The following EPPK1 variants were observed in gnomAD, a reference collection of about 807,000 sequenced individuals.
EPPK1 encodes the protein epiplakin.
For missense variants in EPPK1, 3,823 were observed against 3,673.3 expected (o/e 1.04, Z -1.05); for synonymous variants, 1,862 against 1,721.2 (o/e 1.08, Z -2.03).
rs782200151 is a variant in EPPK1, at chr8:143,867,316, C to A, written c.5938G>T (p.Asp1980Tyr). 6.2e-6 allele frequency: 10 copies of A among 1,612,498 alleles called. No homozygotes were observed. The highest frequency in any genetic ancestry group is 2.7e-5 in the African/African-American group (2 of 74,916). ...GGGATCGTGTCTCCTGTGGCCGGAT[C>A]CCTGTAGCCCGTGGCAGCTCTTTCA... ...KAERAATGYR[D>Y]PATGDTIPLF... Residue 1980 changes from aspartate to tyrosine, a missense_variant, in exon 2 of 2, where the codon GAT becomes TAT. Asp to Tyr is a radical substitution (Grantham distance 160, BLOSUM62 -3). Transcript: ENST00000615648.
chr8:143,868,402 C>A lies in EPPK1; in HGVS notation c.4852G>T (p.Val1618Leu). ...TCCACGGTCAGCTTCCGGTTCTCCA[C>A]GGGGTCGATGATGAAGCCGGTAGCT... ...QAATGFIIDP[V>L]ENRKLTVEEA... Residue 1618 changes from valine to leucine, a missense_variant, in exon 2 of 2, where the codon GTG becomes TTG. Coordinates refer to ENST00000615648, the MANE Select transcript of EPPK1 (RefSeq NM_031308.4). 1 of 1,612,614 alleles carries A rather than the reference C, an allele frequency of 6.2e-7. No homozygotes were observed. The highest frequency in any genetic ancestry group is 8.5e-7 in the Non-Finnish European group (1 of 1,179,808).
At position 143,870,626 on chromosome 8, in the gene EPPK1, C is replaced by T. The variant is rs552072083; in HGVS notation, c.2628G>A (p.Ala876=). The T allele has an allele frequency of 1.1e-5, 17 of 1,606,376 alleles. No individual in the cohort carries two copies. Among genetic ancestry groups the T allele is most frequent in the South Asian group, 4.4e-5 (4 of 90,046 alleles). The part of the protein sequence containing the change: ...KLLEAETQRQ[A]DIMLPALRSR... ...TCCGCAGTGCGGGCAGCATGATGTC[C>T]GCCTGTCTCTGCGTCTCCGCCTCCA... The change falls in exon 2 of 2, where the codon GCG becomes GCA. Residue 876 remains alanine, a synonymous_variant. Coordinates refer to ENST00000615648, the MANE Select transcript of EPPK1 (RefSeq NM_031308.4). The surrounding 1 kb of genome is among the most constrained non-coding windows in gnomAD (Gnocchi z 5.2).
chr8:143,870,586 G>A lies in EPPK1; in HGVS notation c.2668C>T (p.His890Tyr). ...LPALRSRVTV[H>Y]QLLEAGIIDQ... Reference sequence around the variant, plus strand: ...ATGATACCGGCCTCCAGGAGCTGGTGGACGGTGACCCGGCTCCGCAGTGCG... The same window carrying A: ...ATGATACCGGCCTCCAGGAGCTGGTAGACGGTGACCCGGCTCCGCAGTGCG... Residue 890 changes from histidine to tyrosine, a missense_variant, in exon 2 of 2, where the codon CAC becomes TAC. Coordinates refer to ENST00000615648, the MANE Select transcript of EPPK1 (RefSeq NM_031308.4). The surrounding 1 kb of genome is among the most constrained non-coding windows in gnomAD (Gnocchi z 5.2). 1.9e-6 allele frequency: 3 copies of A among 1,610,056 alleles called. No homozygotes were observed. The highest frequency in any genetic ancestry group is 2.5e-6 in the Non-Finnish European group (3 of 1,178,956).
Position 143,867,600 on chromosome 8 carries a change from G to A in EPPK1, c.5654C>T (p.Thr1885Met), listed in dbSNP as rs371299411. The change falls in exon 2 of 2, where the codon ACG becomes ATG. Residue 1885 changes from threonine to methionine, a missense_variant. Physicochemically the swap from Thr to Met is moderately conservative, Grantham distance 81. Coordinates refer to ENST00000615648, the MANE Select transcript of EPPK1 (RefSeq NM_031308.4). Reference protein sequence around the residue: ...VGRTGGQALSTLECVKPYLEG... With the variant: ...VGRTGGQALSMLECVKPYLEG... ...CAGATAGGGCTTCACACACTCCAGC[G>A]TGCTGAGTGCCTGTCCCCCAGTCCT... 183 of 1,613,128 alleles carry A rather than the reference G, an allele frequency of 1.1e-4. No individual in the cohort carries two copies. The highest frequency in any genetic ancestry group is 1.8e-4 in the East Asian group (8 of 44,886).
Position 143,866,360 on chromosome 8 carries a change from C to G in EPPK1, c.6894G>C (p.Glu2298Asp). ...CGGCGCGCTCGGCCGACAGCAGCTT[C>G]TCCTGGATCTCGCCGCCCACCACGC... ...AAGVVGGEIQ[E>D]KLLSAERAVT... Residue 2298 changes from glutamate (E) to aspartate (D), a missense_variant, in exon 2 of 2, where the codon GAG becomes GAC. Glu to Asp is a conservative substitution (Grantham distance 45). Transcript: ENST00000615648. The G allele has an allele frequency of 9.4e-6, 7 of 744,004 alleles. No homozygotes were observed. The highest frequency in any genetic ancestry group is 1.4e-5 in the Non-Finnish European group (7 of 490,554). The allele number at this position is 744,004 out of a possible 1,614,324, so 46.1% of individuals were successfully genotyped here. A position where few individuals can be genotyped will look rare whatever the true frequency, so the allele number is the denominator to read the frequency against.
At position 143,870,895 on chromosome 8, in the gene EPPK1, G is replaced by A. The variant is rs782802033; in HGVS notation, c.2359C>T (p.Arg787Cys). The A allele has an allele frequency of 1.7e-5, 27 of 1,612,912 alleles. No individual in the cohort carries two copies. In the East Asian group the frequency reaches 2.4e-4, roughly 15 times the overall value. Residue 787 changes from arginine to cysteine, a missense_variant, in exon 2 of 2, where the codon CGT becomes TGT. Arg to Cys is a radical substitution (Grantham distance 180). Coordinates refer to ENST00000615648, the MANE Select transcript of EPPK1 (RefSeq NM_031308.4). This position sits in a 1 kb window ranked among gnomAD's most constrained non-coding sequence, Gnocchi z 5.2. ...TYLQLLERCV[R>C]DPETGLYLLP... ...AGGTACAGGCCCGTCTCGGGGTCAC[G>A]CACACAGCGCTCCAGAAGCTGCAGG...
chr8:143,873,408 A>G, intron 1 of EPPK1, 110 bp from the exon 2 acceptor site: 1 of 758,158 alleles, frequency 1.3e-6, no homozygotes. Flanking sequence ...CTCCACCCAC[A>G]GACGTGCAGC....
In EPPK1 at chr8:143,868,560, C is replaced by T. The variant is rs368863995; in HGVS notation, c.4694G>A (p.Arg1565Gln). 1.2e-4 allele frequency: 197 copies of T among 1,603,764 alleles called. No homozygotes were observed. Among genetic ancestry groups the T allele is most frequent in the South Asian group, 1.9e-4 (17 of 89,626 alleles). The change falls in exon 2 of 2, where the codon CGG (arginine) becomes CAG (glutamine). Residue 1565 changes from arginine to glutamine, a missense_variant. Physicochemically the swap from Arg to Gln is conservative, Grantham distance 43. Coordinates refer to ENST00000615648, the MANE Select transcript of EPPK1 (RefSeq NM_031308.4). ...KEVAEMDSVK[R>Q]SLEGGNFIAG... The stretch of plus-strand genomic sequence containing the variant: ...AATGAAGTTGCCTCCCTCCAGGGAC[C>T]GCTTCACGCTGTCCATCTCCGCCAC...
chr8:143,868,812 T>A lies in EPPK1; in HGVS notation c.4442A>T (p.Asp1481Val). The change falls in exon 2 of 2, where the codon GAC becomes GTC. Residue 1481 changes from aspartate to valine, a missense_variant. Transcript: ENST00000615648. ...GAGTGCCACCAGCTCCCGCCGCTTG[T>A]CAGCGCCAACGTATTCGGAGAGCAG... is the stretch of plus-strand genomic sequence containing the variant. ...DLLLSEYVGA[D>V]KRRELVALCR... 6.2e-7 allele frequency: 1 copy of A among 1,604,790 alleles called. No homozygotes were observed.
In EPPK1 at chr8:143,870,430, G is replaced by A. The variant is rs1554660774; in HGVS notation, c.2824C>T (p.Gln942Ter). ...ATGGCCTGGTAGAGGCTGAGCCGCTGGCCAGAGGGCAGCAGCCGCACACCG... is the reference window on the plus strand; with the variant it reads ...ATGGCCTGGTAGAGGCTGAGCCGCTAGCCAGAGGGCAGCAGCCGCACACCG... Reference protein sequence around the residue: ...VGGVRLLPSGQRLSLYQAMRQ... With the variant: ...VGGVRLLPSG Residue 942 changes from glutamine (Q) to a stop codon, truncating the protein, a stop_gained, in exon 2 of 2, where the codon CAG (glutamine) becomes TAG (stop). Coordinates refer to ENST00000615648, the MANE Select transcript of EPPK1 (RefSeq NM_031308.4). LOFTEE classifies it low-confidence loss of function (END_TRUNC). This position sits in a 1 kb window ranked among gnomAD's most constrained non-coding sequence, Gnocchi z 5.2. 2.5e-6 allele frequency: 4 copies of A among 1,596,324 alleles called. No individual in the cohort carries two copies. The highest frequency in any genetic ancestry group is 3.4e-6 in the Non-Finnish European group (4 of 1,176,192).
Position 143,871,399 on chromosome 8 carries a change from C to T in EPPK1, c.1855G>A (p.Gly619Ser), listed in dbSNP as rs1554661138. The T allele has an allele frequency of 6.2e-7, 1 of 1,604,752 alleles. No individual in the cohort carries two copies. Among genetic ancestry groups the T allele is most frequent in the Non-Finnish European group, 8.5e-7 (1 of 1,176,838 alleles). Residue 619 changes from glycine to serine, a missense_variant, in exon 2 of 2, where the codon GGC becomes AGC. Coordinates refer to ENST00000615648, the MANE Select transcript of EPPK1 (RefSeq NM_031308.4). Reference protein sequence around the residue: ...TGCIAGLLLPGSQERLSIYEA... With the variant: ...TGCIAGLLLPSSQERLSIYEA... Reference sequence around the variant, plus strand: ...TAGATGCTCAGGCGTTCCTGGGAGCCAGGGAGCAGCAGGCCAGCAATGCAG... The same window carrying T: ...TAGATGCTCAGGCGTTCCTGGGAGCTAGGGAGCAGCAGGCCAGCAATGCAG...
Position 143,866,957 on chromosome 8 carries a change from C to T in EPPK1, c.6297G>A (p.Thr2099=), listed in dbSNP as rs781856397. The T allele has an allele frequency of 3.0e-5, 49 of 1,612,740 alleles. No individual in the cohort carries two copies. The highest frequency in any genetic ancestry group is 1.6e-4 in the Middle Eastern group (1 of 6,082). Residue 2099 remains threonine (T), a synonymous_variant, in exon 2 of 2, where the codon ACG becomes ACA. Transcript: ENST00000615648. ...CTTGCTCTGCCTCCAGGGCCCTTCTCGTCTCGTCATCGATGTGCTCGGAGT... is the reference window on the plus strand; with the variant it reads ...CTTGCTCTGCCTCCAGGGCCCTTCTTGTCTCGTCATCGATGTGCTCGGAGT... ...ARDSEHIDDE[T]RRALEAEQVE... is the part of the protein sequence containing the mutation.
Position 143,865,397 on chromosome 8 carries a change from G to GCCCTCC in EPPK1, c.7851_7856dup (p.Gly2619_Glu2620dup). On this transcript the variant is annotated inframe_insertion, in exon 2 of 2. Coordinates refer to ENST00000615648, the MANE Select transcript of EPPK1 (RefSeq NM_031308.4). Reference sequence around the variant, plus strand: ...CGGCGGCGGCGGCCTCCTGGGTCTCGCCCTCCCCCTGGCCCTCTCGCTGGG... The same window carrying GCCCTCC: ...CGGCGGCGGCGGCCTCCTGGGTCTCGCCCTCCCCCTCCCCCTGGCCCTCTCGCTGGG... The GCCCTCC allele has an allele frequency of 3.1e-6, 1 of 325,024 alleles. No individual in the cohort carries two copies. Among genetic ancestry groups the GCCCTCC allele is most frequent in the Non-Finnish European group, 4.8e-6 (1 of 207,396 alleles). 20.1% of individuals were successfully genotyped at this position (325,024 alleles called of 1,614,324 possible).
At position 143,870,699 on chromosome 8, in the gene EPPK1, CGCA is replaced by C; in HGVS notation, c.2552_2554del (p.Leu851del). The C allele has an allele frequency of 6.2e-7, 1 of 1,610,372 alleles. No individual in the cohort carries two copies. Among genetic ancestry groups the C allele is most frequent in the Middle Eastern group, 1.7e-4 (1 of 6,058 alleles). ...CGTGACCTCGCGCTGCCGGTAGCGA[CGCA>C]GCAGCTGCCTCCTGCGGCCCTCGCT... On this transcript the variant is annotated inframe_deletion, in exon 2 of 2. Coordinates refer to ENST00000615648, the MANE Select transcript of EPPK1 (RefSeq NM_031308.4). The surrounding 1 kb of genome is among the most constrained non-coding windows in gnomAD (Gnocchi z 5.2).
At position 143,867,080 on chromosome 8, in the gene EPPK1, G is replaced by T. The variant is rs536513369; in HGVS notation, c.6174C>A (p.Asn2058Lys). The T allele has an allele frequency of 2.6e-5, 42 of 1,612,950 alleles. No individual in the cohort carries two copies. The South Asian group carries it at 4.1e-4, about 16-fold the overall frequency. Residue 2058 changes from asparagine to lysine, a missense_variant, in exon 2 of 2, where the codon AAC becomes AAA. Transcript: ENST00000615648. Reference sequence around the variant, plus strand: ...CTCGGTACGAGACCTTCTCTTGCGTGTTCGGGTCCACAAACCGTTTCCTCA... The same window carrying T: ...CTCGGTACGAGACCTTCTCTTGCGTTTTCGGGTCCACAAACCGTTTCCTCA... Reference protein sequence around the residue: ...KHMRKRFVDPNTQEKVSYREL... With the variant: ...KHMRKRFVDPKTQEKVSYREL...
upstream of EPPK1, among the ~76,000 whole-genome samples, chr8:143,879,136 C>G (rs1554662822): frequency 6.6e-6 from 1 of 152,198 alleles, no homozygotes; most frequent in Non-Finnish European, 1.5e-5. Flanking sequence ...GGCTCACAGC[C>G]TCGGGGGCTG....
In EPPK1 at chr8:143,867,064, A is replaced by G. The variant is rs1819146695; in HGVS notation, c.6190T>C (p.Ser2064Pro). Residue 2064 changes from serine to proline, a missense_variant, in exon 2 of 2, where the codon TCG (serine) becomes CCG (proline). Coordinates refer to ENST00000615648, the MANE Select transcript of EPPK1 (RefSeq NM_031308.4). The part of the protein sequence containing the change: ...FVDPNTQEKV[S>P]YRELQERCRP... ...CACCTCTCCTGCAGCTCTCGGTACG[A>G]GACCTTCTCTTGCGTGTTCGGGTCC... The G allele has an allele frequency of 1.2e-6, 2 of 1,612,608 alleles. No individual in the cohort carries two copies. Among genetic ancestry groups the G allele is most frequent in the Non-Finnish European group, 1.7e-6 (2 of 1,179,836 alleles).
Position 143,869,302 on chromosome 8 carries a change from C to A in EPPK1, c.3952G>T (p.Gly1318Trp). The A allele has an allele frequency of 6.2e-7, 1 of 1,604,760 alleles. No individual in the cohort carries two copies. Among genetic ancestry groups the A allele is most frequent in the Non-Finnish European group, 8.5e-7 (1 of 1,175,378 alleles). The change falls in exon 2 of 2, where the codon GGG (glycine) becomes TGG (tryptophan). Residue 1318 changes from glycine (G) to tryptophan (W), a missense_variant. By Grantham distance (184) the Gly-to-Trp change is radical. Coordinates refer to ENST00000615648, the MANE Select transcript of EPPK1 (RefSeq NM_031308.4). The stretch of plus-strand genomic sequence containing the variant: ...CCGGCCGCCGCCCTCTCGGCCTGCC[C>A]GAGCTGCTCACTCAGCTCCCTGCCC... ...LVGRELSEQL[G>W]QAERAAAGYP...
Position 143,870,981 on chromosome 8 carries a change from A to G in EPPK1, c.2273T>C (p.Leu758Ser), listed in dbSNP as rs1225124427. 6.2e-7 allele frequency: 1 copy of G among 1,613,428 alleles called. No individual in the cohort carries two copies. The highest frequency in any genetic ancestry group is 8.5e-7 in the Non-Finnish European group (1 of 1,180,008). ...GCCCTTGGTGTCGTCAGAAGGGTCCAACAGGATCAAGTTCAGCATCTGATC... is the reference window on the plus strand; with the variant it reads ...GCCCTTGGTGTCGTCAGAAGGGTCCGACAGGATCAAGTTCAGCATCTGATC... ...YFDQMLNLIL[L>S]DPSDDTKGFF... The change falls in exon 2 of 2, where the codon TTG becomes TCG. Residue 758 changes from leucine to serine, a missense_variant. Physicochemically the swap from Leu to Ser is moderately radical, Grantham distance 145 (BLOSUM62 -2). Transcript: ENST00000615648. This position sits in a 1 kb window ranked among gnomAD's most constrained non-coding sequence, Gnocchi z 5.2.
Sources: allele counts gnomAD v4.1 joint callset (sites outside exome capture counted in the v4.1 genomes callset), GRCh38; gene constraint gnomAD v4.1.1; non-coding constraint Gnocchi (gnomAD v3.1); transcripts MANE v1.5; gene names NCBI Gene and HGNC (gene_info 2026-07-23, HGNC 2026-07-21).